ERBIN: variants seen among roughly 807,000 people sequenced by gnomAD.
ERBIN encodes the protein erbb2 interacting protein.
Under a neutral mutation model 158.4 loss-of-function variants are expected in ERBIN, and 60 were observed. That is an observed-to-expected ratio of 0.38 (90% CI 0.31 to 0.47). ERBIN has a LOEUF of 0.47. Among genes scored for constraint, ERBIN ranks in the 20% least tolerant of loss-of-function variants. The probability of loss-of-function intolerance (pLI) is 0.99; values close to 1 mark genes in which losing one functional copy is unlikely to be tolerated. For synonymous variants in ERBIN, 594 were observed against 557.2 expected, an observed-to-expected ratio of 1.07 and a Z score of -0.93; for missense variants, 1,610 against 1,648.0, an observed-to-expected ratio of 0.98 and a Z score of 0.40.
chr5:66,013,329 A>G (rs965992177), intron 5 of ERBIN, among the ~76,000 whole-genome samples: 5 of 152,216 alleles, frequency 3.3e-5, no homozygotes, highest in Admixed American at 6.5e-5. Context: ...ATTAAAACAA[A>G]TATTACCTCA....
Position 65,938,949 on chromosome 5 carries a change from G to T in ERBIN, c.-58+12143G>T, listed in dbSNP as rs547468406. Among the ~76,000 whole-genome samples, 4 of 152,228 alleles carry T rather than the reference G, an allele frequency of 2.6e-5. No homozygotes were observed. In the East Asian group the frequency reaches 7.7e-4, roughly 29 times the overall value. On this transcript the variant is annotated intron_variant, in intron 1 of 25. Coordinates refer to ENST00000284037, the MANE Select transcript of ERBIN (RefSeq NM_001253697.2). ...TGAGAATGGCCTCTTCAACCTTGTT[G>T]TTCCTGAACTGGATTTTTATTTATC...
At chr5:65,958,039 C>T (rs1262167589) in intron 1 of ERBIN, among the ~76,000 whole-genome samples, 1 of 149,070 alleles carries the variant, frequency 6.7e-6, no homozygotes, top group Non-Finnish European at 1.5e-5. Flanking sequence ...GGGGCAGAGG[C>T]GCTCCCCACA....
At chr5:66,075,322 T>C in intron 23 of ERBIN, 92 bp downstream of exon 23, 1 of 1,012,650 alleles carries the variant, frequency 9.9e-7, no homozygotes, top group Non-Finnish European at 1.5e-6. Flanking sequence ...ATACAGAATA[T>C]TAACGTAGTT....
chr5:65,960,991 CA>C (rs1345100838), intron 1 of ERBIN, among the ~76,000 whole-genome samples: 1 of 152,148 alleles, frequency 6.6e-6, no homozygotes, highest in Non-Finnish European at 1.5e-5. Context: ...ACTCTTTTGA[CA>C]ACCACTGACT....
chr5:65,970,726 C>T (rs533734303), intron 1 of ERBIN, among the ~76,000 whole-genome samples: 1 of 152,248 alleles, frequency 6.6e-6, no homozygotes, highest in South Asian at 2.1e-4. Flanking sequence ...GTAGCTGGGG[C>T]TACAGACGTA....
intron 23 of ERBIN, among the ~76,000 whole-genome samples, chr5:66,075,464 C>A (rs1761901430): frequency 6.6e-6 from 1 of 152,112 alleles, no homozygotes; most frequent in South Asian, 2.1e-4. Context: ...GATACAGTTT[C>A]TTTACCAAAA....
intron 1 of ERBIN, among the ~76,000 whole-genome samples, chr5:65,965,266 T>TGTG (rs2150969347): frequency 6.6e-6 from 1 of 152,214 alleles, no homozygotes; most frequent in African/African-American, 2.4e-5. Flanking sequence ...GTGTTCATTA[T>TGTG]GTGGTGGTCA....
At chr5:65,969,808 G>GTTTCAGATACTGC (rs1465692455) in intron 1 of ERBIN, among the ~76,000 whole-genome samples, 2 of 152,120 alleles carry the variant, frequency 1.3e-5, no homozygotes, top group Non-Finnish European at 2.9e-5. Flanking sequence ...AGGAACAGTA[G>GTTTCAGATACTGC]TTTCAGATAC....
intron 21 of ERBIN, among the ~76,000 whole-genome samples, chr5:66,059,573 T>A (rs1187972612): frequency 1.3e-5 from 2 of 152,228 alleles, no homozygotes; most frequent in East Asian, 1.9e-4. Context: ...TCCAACACTA[T>A]GTTGAATAGG....
At chr5:66,057,025 AC>A (rs1248716537) in intron 21 of ERBIN, among the ~76,000 whole-genome samples, 1 of 152,198 alleles carries the variant, frequency 6.6e-6, no homozygotes, top group African/African-American at 2.4e-5. Context: ...GACTGCTTTT[AC>A]CTAACATACG....
chr5:66,014,534 G>T (rs1395025532), intron 6 of ERBIN, 135 bp from the exon 7 acceptor site: 6 of 476,274 alleles, frequency 1.3e-5, no homozygotes, highest in African/African-American at 2.1e-5. Flanking sequence ...TTTATGTTCT[G>T]TAATTTTTAA....
chr5:66,067,826 A>T (rs912483723), intron 21 of ERBIN, among the ~76,000 whole-genome samples: 10 of 152,258 alleles, frequency 6.6e-5, no homozygotes, highest in African/African-American at 2.4e-4. Flanking sequence ...AAATAAAAAA[A>T]CTAGCCAGGC....
intron 21 of ERBIN, among the ~76,000 whole-genome samples, chr5:66,057,908 T>TCCATGATCTATATGTGC (rs545959114): frequency 7.0e-6 from 1 of 143,000 alleles, no homozygotes; most frequent in African/African-American, 2.9e-5. Flanking sequence ...TGCATAGTAT[T>TCCATGATCTATATGTGC]CACATTTTCT....
intron 14 of ERBIN, among the ~76,000 whole-genome samples, chr5:66,029,645 G>A (rs575637462): frequency 5.9e-5 from 9 of 152,092 alleles, no homozygotes; most frequent in African/African-American, 1.4e-4. Context: ...TCGCTCTGCC[G>A]CCAGGCTGGA....
intron 21 of ERBIN, among the ~76,000 whole-genome samples, chr5:66,066,676 A>AC (rs935526669): frequency 1.3e-5 from 2 of 152,196 alleles, no homozygotes; most frequent in African/African-American, 4.8e-5. Context: ...ATCAGCATTT[A>AC]CTAACATTCC....
intron 21 of ERBIN, among the ~76,000 whole-genome samples, chr5:66,065,570 G>T (rs978049057): frequency 6.8e-6 from 1 of 147,202 alleles, no homozygotes; most frequent in African/African-American, 2.5e-5. Context: ...TGATTTCAGA[G>T]ATTTTCAGAT....
chr5:66,015,208 C>CA (rs1232172463), intron 7 of ERBIN, among the ~76,000 whole-genome samples: 1 of 149,170 alleles, frequency 6.7e-6, no homozygotes, highest in Admixed American at 6.7e-5. Context: ...AATCCAGGAG[C>CA]AAAAAAAAAG....
chr5:65,957,710 G>A (rs763219839), intron 1 of ERBIN, among the ~76,000 whole-genome samples: 6 of 152,192 alleles, frequency 3.9e-5, no homozygotes, highest in African/African-American at 1.2e-4. Flanking sequence ...ATCATGGCCC[G>A]TTCTCAATGA....
rs1254265614 is a variant in ERBIN at position 66,078,463 on chromosome 5, C to T, written c.4172C>T (p.Ala1391Val). ...TTTATAAATATTGAACATGGACAAG[C>T]AGTGTCCTTGCTAAAAACTTTCCAG... ...YSFINIEHGQ[A>V]VSLLKTFQNT... Residue 1391 changes from alanine (A) to valine (V), a missense_variant, in exon 26 of 26, where the codon GCA becomes GTA. Transcript: ENST00000284037. 1 of 1,594,674 alleles carries T rather than the reference C, an allele frequency of 6.3e-7. No individual in the cohort carries two copies. Among genetic ancestry groups the T allele is most frequent in the Admixed American group, 1.8e-5 (1 of 54,388 alleles).
Sources: gnomAD v4.1 joint callset for allele counts (sites outside exome capture counted in the v4.1 genomes callset) on GRCh38, gnomAD v4.1.1 for gene constraint, MANE v1.5 for transcripts, NCBI Gene and HGNC (gene_info 2026-07-23, HGNC 2026-07-21) for gene names.